Variants in LIMS1 observed in about 807,000 individuals in gnomAD.
The protein encoded by LIMS1 is LIM zinc finger domain containing 1, also known as LIM and senescent cell antigen-like-containing domain protein 1.
Under a neutral mutation model 44.1 loss-of-function variants are expected in LIMS1, and 18 were observed. The observed-to-expected ratio is 0.41, with a 90% CI of 0.28 to 0.61. The LOEUF is 0.61. LIMS1 is among the 20% of genes least tolerant of loss of function. LIMS1 has a pLI of 0.32. For missense variants in LIMS1, 201 were observed against 422.0 expected (o/e 0.48, Z 4.59); for synonymous variants, 93 against 149.1 (o/e 0.62, Z 2.74).
At chr2:108,680,736 G>C (rs766755888) in exon 9 of LIMS1, 47 of 1,610,162 alleles carry the variant, frequency 2.9e-5, no homozygotes, top group Non-Finnish European at 4.0e-5. Context: ...GAACTGCTTT[G>C]CCTGTTCTAC....
intron 8 of LIMS1, among the ~76,000 whole-genome samples, 154 bp from the exon 9 acceptor site, chr2:108,680,540 TA>T (rs772500201): frequency 0.041 from 3,330 of 81,548 alleles, 71 homozygotes; most frequent in African/African-American, 0.094. Flanking sequence ...CTGTCTCATT[TA>T]AAAAAAAAAA....
In LIMS1 at chr2:108,572,680, G is replaced by A. The variant is rs569168717; in HGVS notation, c.32+38086G>A. ...ATTACATGCATGAGCCACTACGCCC[G>A]GCCTGACTCTTTTGCTCTTGATGTG... On this transcript the variant is annotated intron_variant, in intron 1 of 9. Coordinates refer to ENST00000544547, the Ensembl canonical transcript of LIMS1. Among the ~76,000 whole-genome samples the A allele has an allele frequency of 5.3e-5, 8 of 152,170 alleles. No homozygotes were observed. In the South Asian group the frequency reaches 6.2e-4, roughly 12 times the overall value.
At chr2:108,558,795 C>T (rs186173141) in intron 1 of LIMS1, among the ~76,000 whole-genome samples, 5 of 151,640 alleles carry the variant, frequency 3.3e-5, no homozygotes, top group African/African-American at 7.3e-5. Context: ...CTCAGCCTCT[C>T]GAGTAGCTGG....
chr2:108,624,100 T>C (rs78959419), intron 1 of LIMS1, among the ~76,000 whole-genome samples: 3,940 of 152,300 alleles, frequency 0.026, 127 homozygotes, highest in South Asian at 0.14. Context: ...ACTGTGTTTG[T>C]GGTTACAGTT....
intron 1 of LIMS1, among the ~76,000 whole-genome samples, chr2:108,575,904 G>A (rs1342686532): frequency 1.3e-5 from 2 of 152,054 alleles, no homozygotes; most frequent in Admixed American, 6.6e-5. Flanking sequence ...TTGCCAACAG[G>A]ACAGAAAAAA....
chr2:108,577,283 G>A (rs1421346851), intron 1 of LIMS1, among the ~76,000 whole-genome samples: 1 of 152,228 alleles, frequency 6.6e-6, no homozygotes, highest in Non-Finnish European at 1.5e-5. Flanking sequence ...AGCTAATACA[G>A]ACTCACTTCC....
intron 1 of LIMS1, among the ~76,000 whole-genome samples, chr2:108,625,585 C>T (rs79785802): frequency 2.6e-5 from 4 of 151,720 alleles, no homozygotes; most frequent in African/African-American, 9.7e-5. Context: ...AATCCCCCCC[C>T]CCAAAAAAAT....
chr2:108,651,426 G>A (rs561285465), intron 1 of LIMS1, among the ~76,000 whole-genome samples: 74 of 152,378 alleles, frequency 4.9e-4, no homozygotes, highest in African/African-American at 1.6e-3. Flanking sequence ...ATTCCTGATT[G>A]AAAGAAAGGC....
At chr2:108,541,848 G>A (rs76274834) in intron 1 of LIMS1, among the ~76,000 whole-genome samples, 3,913 of 152,298 alleles carry the variant, frequency 0.026, 127 homozygotes, top group South Asian at 0.14. Context: ...CCGCTGTGTA[G>A]TAGGGAATTA....
intron 5 of LIMS1, chr2:108,673,954 T>A (rs1231391365): frequency 6.6e-6 from 1 of 152,242 alleles, no homozygotes; most frequent in Admixed American, 6.5e-5. Flanking sequence ...TATATTTAAT[T>A]TTTTGTCTTC....
chr2:108,578,625 T>C (rs12469666), intron 1 of LIMS1, among the ~76,000 whole-genome samples: 61,891 of 142,296 alleles, frequency 0.43, 14,865 homozygotes, highest in East Asian at 0.95. Flanking sequence ...ACGGAGTCTC[T>C]CACTGTGGCC....
At chr2:108,539,593 T>C (rs1435041157) in intron 1 of LIMS1, among the ~76,000 whole-genome samples, 1 of 152,220 alleles carries the variant, frequency 6.6e-6, no homozygotes, top group Non-Finnish European at 1.5e-5. Context: ...CAAATATTTC[T>C]GAAAGGATAC....
chr2:108,628,622 C>T (rs201267107), intron 1 of LIMS1, among the ~76,000 whole-genome samples: 1 of 152,168 alleles, frequency 6.6e-6, no homozygotes, highest in Admixed American at 6.5e-5. Flanking sequence ...CGCACCACCA[C>T]GCCCAGCTAA....
intron 1 of LIMS1, among the ~76,000 whole-genome samples, chr2:108,583,605 T>C (rs1182995840): frequency 2.0e-5 from 3 of 152,068 alleles, no homozygotes; most frequent in Non-Finnish European, 4.4e-5. Flanking sequence ...TACGCAAGTG[T>C]ATTGGGCATT....
chr2:108,603,932 A>G (rs1687143572), intron 1 of LIMS1, among the ~76,000 whole-genome samples: 1 of 151,664 alleles, frequency 6.6e-6, no homozygotes, highest in South Asian at 2.1e-4. Context: ...TAGGTTATTT[A>G]TTTGAAGGGT....
At chr2:108,594,367 A>G (rs1374515370) in intron 1 of LIMS1, among the ~76,000 whole-genome samples, 1 of 152,214 alleles carries the variant, frequency 6.6e-6, no homozygotes, top group Non-Finnish European at 1.5e-5. Flanking sequence ...GGGAAGTGAC[A>G]TTTACTGAGA....
intron 1 of LIMS1, among the ~76,000 whole-genome samples, chr2:108,538,660 T>C (rs934864510): frequency 2.0e-5 from 3 of 152,210 alleles, no homozygotes; most frequent in Non-Finnish European, 2.9e-5. Context: ...AATGGAATCA[T>C]AGTCATACTA....
At chr2:108,549,968 C>T (rs1221408046) in intron 1 of LIMS1, among the ~76,000 whole-genome samples, 1 of 151,944 alleles carries the variant, frequency 6.6e-6, no homozygotes, top group East Asian at 1.9e-4. Context: ...ATTTATACTA[C>T]CAGAAAGTTT....
intron 1 of LIMS1, among the ~76,000 whole-genome samples, chr2:108,627,914 A>G (rs1172518918): frequency 6.6e-6 from 1 of 152,216 alleles, no homozygotes; most frequent in African/African-American, 2.4e-5. Flanking sequence ...TAGGGCTGCC[A>G]TCACCAAGTA....
Sources: gnomAD v4.1 joint callset for allele counts (sites outside exome capture counted in the v4.1 genomes callset) on GRCh38, gnomAD v4.1.1 for gene constraint, MANE v1.5 for transcripts, NCBI Gene and HGNC (gene_info 2026-07-23, HGNC 2026-07-21) for gene names.